Variants in COG5 observed in about 807,000 individuals in gnomAD.
COG5 encodes the protein component of oligomeric golgi complex 5.
In COG5, 86 loss-of-function variants were observed where a neutral mutation model predicts 110.4. The ratio of observed to expected loss-of-function variants is 0.78; its 90% CI spans 0.65 to 0.93. COG5 has a LOEUF of 0.93. Among genes scored for constraint, COG5 ranks in the 40% least tolerant of loss-of-function variants. The probability of loss-of-function intolerance (pLI) is 0.00; values close to 1 mark genes in which losing one functional copy is unlikely to be tolerated. For synonymous variants in COG5, 360 were observed against 334.6 expected (o/e 1.08, Z -0.83); for missense variants, 1,077 against 987.0 (o/e 1.09, Z -1.22).
intron 21 of COG5, chr7:107,209,434 T>C (rs1033291049): frequency 2.3e-5 from 4 of 177,410 alleles, no homozygotes; most frequent in Admixed American, 2.0e-4. Flanking sequence ...TGGTGACATA[T>C]GATAGCAAGT....
At chr7:107,277,313 T>A (rs1804774544) in intron 14 of COG5, among the ~76,000 whole-genome samples, 1 of 152,306 alleles carries the variant, frequency 6.6e-6, no homozygotes, top group African/African-American at 2.4e-5. Flanking sequence ...TGGGAGAGAA[T>A]ACAGTCGTGG....
intron 6 of COG5, among the ~76,000 whole-genome samples, chr7:107,495,917 T>G (rs1436758519): frequency 6.6e-6 from 1 of 150,832 alleles, no homozygotes. Flanking sequence ...CTTTATTTCA[T>G]TTATTTTTTA....
rs772284272 is a variant in COG5 at position 107,372,560 on chromosome 7, T to TA, written c.835+34dup. 2.8e-5 allele frequency: 45 copies of TA among 1,605,716 alleles called. 1 individual carries two copies. In the South Asian group the frequency reaches 4.0e-4, roughly 14 times the overall value. On this transcript the variant is annotated intron_variant, in intron 8 of 21. Transcript: ENST00000297135. ...ATTCAAAAGACTTCTCAGTTATAAA[T>TA]AAATAAAGAAGCTAAATATAAACCA... is the stretch of plus-strand genomic sequence containing the variant.
rs75888618 is a variant in COG5 at position 107,555,389 on chromosome 7, C to T, written c.235-1047G>A. Among the ~76,000 whole-genome samples the T allele has an allele frequency of 4.5e-3, 692 of 152,224 alleles. 6 individuals carry two copies. Among genetic ancestry groups the T allele is most frequent in the African/African-American group, 0.016 (668 of 41,542 alleles). On this transcript the variant is annotated intron_variant, in intron 2 of 21. Transcript: ENST00000297135. ...GCTGACTGAAGTTCTTAATCACCAA[C>T]GACTGGAACCCCTAAATCCTCCACT...
Position 107,527,324 on chromosome 7 carries a change from T to A in COG5, c.451A>T (p.Ile151Phe). Residue 151 changes from isoleucine (I) to phenylalanine (F), a missense_variant, in exon 6 of 22, where the codon ATC becomes TTC. Coordinates refer to ENST00000297135, the MANE Select transcript of COG5 (RefSeq NM_006348.5). Reference protein sequence around the residue: ...ACDLLRRIIRILNLSKRLQGQ... With the variant: ...ACDLLRRIIRFLNLSKRLQGQ... ...TGGAGTCTCTTACTGAGATTCAAGA[T>A]ACGAATAATCCTCCGAAGCAAATCA... 6.2e-7 allele frequency: 1 copy of A among 1,613,522 alleles called. No homozygotes were observed. The highest frequency in any genetic ancestry group is 8.5e-7 in the Non-Finnish European group (1 of 1,179,812).
chr7:107,416,991 G>C (rs998665381), intron 6 of COG5, among the ~76,000 whole-genome samples: 2 of 152,138 alleles, frequency 1.3e-5, no homozygotes, highest in Non-Finnish European at 2.9e-5. Context: ...ATTGGAATTT[G>C]TACAGCAATA....
chr7:107,326,900 G>A, intron 10 of COG5, among the ~76,000 whole-genome samples: 1 of 152,178 alleles, frequency 6.6e-6, no homozygotes, highest in East Asian at 1.9e-4. Context: ...TACAGAGCCA[G>A]GTGCAGTGGA....
chr7:107,383,517 G>A (rs928182731), intron 7 of COG5, among the ~76,000 whole-genome samples: 4 of 152,222 alleles, frequency 2.6e-5, no homozygotes, highest in African/African-American at 9.6e-5. Flanking sequence ...ATAGGTAAGA[G>A]TGGATAATTC....
At chr7:107,475,227 A>G (rs1266001880) in intron 6 of COG5, 1 of 1,610,914 alleles carries the variant, frequency 6.2e-7, no homozygotes, top group Non-Finnish European at 8.5e-7. Flanking sequence ...TTGTTTCTAT[A>G]GTAGAAGCTG....
At chr7:107,271,306 A>G (rs529838453) in intron 14 of COG5, among the ~76,000 whole-genome samples, 3 of 152,236 alleles carry the variant, frequency 2.0e-5, no homozygotes, top group Admixed American at 1.3e-4. Context: ...TTTAACAATC[A>G]ATTGATCAAA....
intron 2 of COG5, among the ~76,000 whole-genome samples, chr7:107,556,454 A>T (rs1382392042): frequency 2.6e-5 from 4 of 152,192 alleles, no homozygotes; most frequent in African/African-American, 9.7e-5. Flanking sequence ...ATACATTTTA[A>T]GTTCTTATTG....
Position 107,397,879 on chromosome 7 carries a change from A to C in COG5, c.669+14623T>G, listed in dbSNP as rs997918689. Among the ~76,000 whole-genome samples, 3 of 152,268 alleles carry C rather than the reference A, an allele frequency of 2.0e-5. No homozygotes were observed. In the East Asian group the frequency reaches 5.8e-4, roughly 29 times the overall value. On this transcript the variant is annotated intron_variant, in intron 7 of 21. Coordinates refer to ENST00000297135, the MANE Select transcript of COG5 (RefSeq NM_006348.5). Reference sequence around the variant, plus strand: ...GACTGACAGGAAATTAAATAACCTCAAAACGCAAAGGTATCCACAAATTAC... The same window carrying C: ...GACTGACAGGAAATTAAATAACCTCCAAACGCAAAGGTATCCACAAATTAC...
At chr7:107,316,141 C>T (rs970480004) in intron 11 of COG5, among the ~76,000 whole-genome samples, 6 of 152,042 alleles carry the variant, frequency 3.9e-5, no homozygotes, top group Non-Finnish European at 7.4e-5. Context: ...GAGAAATTTA[C>T]ATAAAAAGAG....
intron 6 of COG5, among the ~76,000 whole-genome samples, chr7:107,526,312 A>G (rs955493439): frequency 1.3e-5 from 2 of 152,202 alleles, no homozygotes; most frequent in African/African-American, 4.8e-5. Context: ...ACCAAGCCAC[A>G]TTAAAAGTGT....
In COG5 at chr7:107,404,717, A is replaced by T. The variant is rs370056548; in HGVS notation, c.669+7785T>A. On this transcript the variant is annotated intron_variant, in intron 7 of 21. Transcript: ENST00000297135. ...GAAATGAGGGATGGAAATGTCAACAAGATAAGGTTCTAAGAAAATAAAAAA... is the reference window on the plus strand; with the variant it reads ...GAAATGAGGGATGGAAATGTCAACATGATAAGGTTCTAAGAAAATAAAAAA... Among the ~76,000 whole-genome samples, 415 of 152,162 alleles carry T rather than the reference A, an allele frequency of 2.7e-3. 1 individual carries two copies. Among genetic ancestry groups the T allele is most frequent in the South Asian group, 8.3e-3 (40 of 4,818 alleles).
intron 7 of COG5, among the ~76,000 whole-genome samples, chr7:107,394,291 T>C (rs1334033689): frequency 1.4e-5 from 2 of 142,710 alleles, no homozygotes; most frequent in Non-Finnish European, 3.0e-5. Flanking sequence ...GTGAAAAAGA[T>C]ACTTAAAAAA....
At chr7:107,562,269 G>C (rs113487613) in intron 1 of COG5, among the ~76,000 whole-genome samples, 4 of 152,198 alleles carry the variant, frequency 2.6e-5, no homozygotes, top group Non-Finnish European at 5.9e-5. Context: ...AGGCAGAACT[G>C]AAGAGTATTT....
Position 107,474,550 on chromosome 7 carries a change from AT to A in COG5, c.538+52686del. The stretch of plus-strand genomic sequence containing the variant: ...CAGAGCTGTAATGTTAATGATATCC[AT>A]TTGGATTTTTTCTTTTTTCTCTTTC... On this transcript the variant is annotated intron_variant, in intron 6 of 21. Transcript: ENST00000297135. The surrounding 1 kb of genome is among the most constrained non-coding windows in gnomAD (Gnocchi z 5.7). The A allele has an allele frequency of 2.5e-6, 4 of 1,610,962 alleles. No homozygotes were observed. The highest frequency in any genetic ancestry group is 3.4e-6 in the Non-Finnish European group (4 of 1,178,316).
chr7:107,541,519 A>ATATAT (rs1554460344), intron 5 of COG5, among the ~76,000 whole-genome samples: 2 of 78,210 alleles, frequency 2.6e-5, no homozygotes, highest in Non-Finnish European at 5.5e-5. Context: ...AAAAAAAAAA[A>ATATAT]AAAAATATAT....
Sources: allele counts gnomAD v4.1 joint callset (sites outside exome capture counted in the v4.1 genomes callset), GRCh38; gene constraint gnomAD v4.1.1; non-coding constraint Gnocchi (gnomAD v3.1); transcripts MANE v1.5; gene names NCBI Gene and HGNC (gene_info 2026-07-23, HGNC 2026-07-21).